Variants in MON2 observed in about 807,000 individuals in gnomAD.
The protein encoded by MON2 is MON2 regulator of endosome-to-Golgi trafficking, also known as protein MON2 homolog.
MON2 carries 84 observed loss-of-function variants against 208.6 expected under a neutral mutation model. The ratio of observed to expected loss-of-function variants is 0.40; its 90% CI spans 0.34 to 0.48. The LOEUF is 0.48. MON2 is among the 20% of genes least tolerant of loss of function. MON2 has a pLI of 0.59. For synonymous variants in MON2, 660 were observed against 694.0 expected, an observed-to-expected ratio of 0.95 and a Z score of 0.77; for missense variants, 1,611 against 2,015.4, an observed-to-expected ratio of 0.80 and a Z score of 3.84.
chr12:62,584,283 T>G (rs2075115948), intron 32 of MON2, among the ~76,000 whole-genome samples: 1 of 152,178 alleles, frequency 6.6e-6, no homozygotes, highest in Admixed American at 6.5e-5. Context: ...AGGGTACATT[T>G]TTGAGTACCA....
intron 32 of MON2, among the ~76,000 whole-genome samples, 171 bp downstream of exon 32, chr12:62,580,591 A>G (rs999428479): frequency 2.6e-5 from 4 of 152,208 alleles, no homozygotes; most frequent in African/African-American, 9.6e-5. Flanking sequence ...TGACATGACT[A>G]TTCTGTGGAA....
chr12:62,511,751 A>G (rs984394024), intron 8 of MON2, among the ~76,000 whole-genome samples: 6 of 152,264 alleles, frequency 3.9e-5, no homozygotes, highest in Non-Finnish European at 5.9e-5. Flanking sequence ...CAAAAGCAAC[A>G]ATAGACAAAT....
At chr12:62,488,365 A>G (rs1433554981) in intron 2 of MON2, among the ~76,000 whole-genome samples, 1 of 152,158 alleles carries the variant, frequency 6.6e-6, no homozygotes, top group Non-Finnish European at 1.5e-5. Flanking sequence ...TAAAAGTATC[A>G]AGTAAAGGGG....
intron 8 of MON2, among the ~76,000 whole-genome samples, chr12:62,517,748 C>A (rs901782557): frequency 4.6e-5 from 7 of 152,182 alleles, no homozygotes; most frequent in African/African-American, 1.7e-4. Flanking sequence ...TTTAAGCCAC[C>A]CAGTCTCTGG....
chr12:62,571,980 T>C (rs2074610805), intron 30 of MON2, among the ~76,000 whole-genome samples: 1 of 152,240 alleles, frequency 6.6e-6, no homozygotes, highest in Non-Finnish European at 1.5e-5. Context: ...CTCTTTAAGA[T>C]GTTTAGATTT....
intron 26 of MON2, chr12:62,565,031 C>G: frequency 2.2e-6 from 1 of 455,194 alleles, no homozygotes; most frequent in South Asian, 3.6e-5. Context: ...TAAAAAAGAA[C>G]ATTTTTTAGC....
Position 62,594,853 on chromosome 12 carries a change from T to A in MON2, c.*2104T>A, listed in dbSNP as rs1456198078. The A allele has an allele frequency of 6.6e-6, 1 of 152,198 alleles. No homozygotes were observed. The highest frequency in any genetic ancestry group is 1.5e-5 in the Non-Finnish European group (1 of 68,032). 9.4% of individuals were successfully genotyped at this position (152,198 alleles called of 1,614,324 possible). ...AGTGTGAAGCAAGTGGGTGGCCCCC[T>A]TGGTAGTATAATTGGACAGGATTTT... On this transcript the variant is annotated 3_prime_UTR_variant, in exon 35 of 35. Coordinates refer to ENST00000393630, the MANE Select transcript of MON2 (RefSeq NM_015026.3).
chr12:62,561,455 A>G (rs2074195780), intron 26 of MON2, among the ~76,000 whole-genome samples: 1 of 152,196 alleles, frequency 6.6e-6, no homozygotes, highest in Non-Finnish European at 1.5e-5. Flanking sequence ...TAGAAAATTA[A>G]TAAGCAGTGG....
rs113422385 is a variant in MON2, at chr12:62,593,705, CT to C, written c.*957del. ...TATATTTCTACTGATTTTGTTTCCC[CT>C]AACAACATTTGTCACTGTCTTTGAA... On this transcript the variant is annotated 3_prime_UTR_variant, in exon 35 of 35. Coordinates refer to ENST00000393630, the MANE Select transcript of MON2 (RefSeq NM_015026.3). 3.9e-5 allele frequency: 6 copies of C among 152,448 alleles called. No individual in the cohort carries two copies. The highest frequency in any genetic ancestry group is 9.6e-5 in the African/African-American group (4 of 41,548). The allele number at this position is 152,448 out of a possible 1,614,324, so 9.4% of individuals were successfully genotyped here.
rs1364708901 is a variant in MON2, at chr12:62,587,357, T to C, written c.4908-717T>C. On this transcript the variant is annotated intron_variant, in intron 33 of 34. Transcript: ENST00000393630. ...TTGTTTCCATTTAAGCTTTGGCAAA[T>C]CTCTTTTAGTACTAATTAGTTTAAA... Among the ~76,000 whole-genome samples the C allele has an allele frequency of 2.0e-5, 3 of 150,626 alleles. No individual in the cohort carries two copies. In the Admixed American group the frequency reaches 2.0e-4, roughly 10 times the overall value.
At chr12:62,503,793 T>G (rs1230899946) in intron 7 of MON2, among the ~76,000 whole-genome samples, 2 of 152,188 alleles carry the variant, frequency 1.3e-5, no homozygotes, top group East Asian at 1.9e-4. Flanking sequence ...CCTTTTTTCC[T>G]CATATGGCTT....
chr12:62,558,295 T>A (rs1385777011), intron 25 of MON2, among the ~76,000 whole-genome samples: 1 of 152,060 alleles, frequency 6.6e-6, no homozygotes, highest in Admixed American at 6.6e-5. Context: ...AGATTTTTTT[T>A]AAATGAAGAC....
intron 24 of MON2, 62 bp downstream of exon 24, chr12:62,553,236 T>C (rs1177368904): frequency 2.2e-6 from 3 of 1,385,306 alleles, no homozygotes; most frequent in Non-Finnish European, 3.0e-6. Context: ...TTAATACTTT[T>C]TCAGTTAAAC....
intron 11 of MON2, among the ~76,000 whole-genome samples, chr12:62,531,671 AT>A (rs2072651515): frequency 6.6e-6 from 1 of 152,118 alleles, no homozygotes; most frequent in Non-Finnish European, 1.5e-5. Flanking sequence ...TTGTTGGCAG[AT>A]TGTATTTGAA....
At chr12:62,550,934 T>C (rs1020310934) in intron 23 of MON2, among the ~76,000 whole-genome samples, 11 of 135,838 alleles carry the variant, frequency 8.1e-5, no homozygotes, top group South Asian at 7.0e-4. Flanking sequence ...TTTTTTTTTT[T>C]CTGAGACGGA....
intron 24 of MON2, among the ~76,000 whole-genome samples, chr12:62,553,997 A>G (rs1030966072): frequency 6.6e-6 from 1 of 152,198 alleles, no homozygotes; most frequent in Non-Finnish European, 1.5e-5. Flanking sequence ...CAACCTGGCC[A>G]ATATGGTGAA....
intron 2 of MON2, among the ~76,000 whole-genome samples, chr12:62,492,607 A>C (rs1366430131): frequency 6.8e-6 from 1 of 146,550 alleles, no homozygotes; most frequent in Non-Finnish European, 1.5e-5. Context: ...TCCTGACCTC[A>C]TGATCCACCC....
intron 4 of MON2, among the ~76,000 whole-genome samples, chr12:62,497,632 T>G (rs73141014): frequency 0.11 from 17,354 of 152,140 alleles, 1,271 homozygotes; most frequent in Middle Eastern, 0.25. Flanking sequence ...TTTCTTTTTT[T>G]GAGATAGTGT....
intron 21 of MON2, 103 bp from the exon 22 acceptor site, chr12:62,546,794 A>T: frequency 1.2e-6 from 1 of 827,746 alleles, no homozygotes; most frequent in Non-Finnish European, 1.9e-6. Flanking sequence ...TCTATTTCCC[A>T]TAGTAGTCTG....
Sources: allele counts gnomAD v4.1 joint callset (sites outside exome capture counted in the v4.1 genomes callset), GRCh38; gene constraint gnomAD v4.1.1; transcripts MANE v1.5; gene names NCBI Gene and HGNC (gene_info 2026-07-23, HGNC 2026-07-21).